ARHGAP27: variants seen among roughly 807,000 people sequenced by gnomAD.
ARHGAP27 encodes Rho GTPase activating protein 27.
Under a neutral mutation model 102.0 loss-of-function variants are expected in ARHGAP27, and 53 were observed. That is an observed-to-expected ratio of 0.52 (90% confidence interval 0.42 to 0.65). ARHGAP27 has a LOEUF of 0.65. Ranked by LOEUF, ARHGAP27 falls within the 30% of genes least tolerant of loss-of-function variation. The probability of loss-of-function intolerance (pLI) is 0.00; values close to 1 mark genes in which losing one functional copy is unlikely to be tolerated. For synonymous variants in ARHGAP27, 525 were observed against 542.8 expected, an observed-to-expected ratio of 0.97 and a Z score of 0.46; for missense variants, 1,117 against 1,256.2, an observed-to-expected ratio of 0.89 and a Z score of 1.68.
At chr17:45,410,570 G>A in intron 4 of ARHGAP27, 2 of 561,772 alleles carry the variant, frequency 3.6e-6, no homozygotes, top group Non-Finnish European at 5.5e-6. Context: ...CGCATCCGAG[G>A]CCCAGACATA....
At position 45,427,797 on chromosome 17, in the gene ARHGAP27, C is replaced by T. The variant is rs1458753377; in HGVS notation, c.657+1826G>A. Among the ~76,000 whole-genome samples the T allele has an allele frequency of 6.6e-6, 1 of 152,144 alleles. No individual in the cohort carries two copies. The highest frequency in any genetic ancestry group is 1.5e-5 in the Non-Finnish European group (1 of 68,008). On this transcript the variant is annotated intron_variant, in intron 4 of 19. Transcript: ENST00000685559. The surrounding 1 kb of genome is among the most constrained non-coding windows in gnomAD (Gnocchi z 4.5). The stretch of plus-strand genomic sequence containing the variant: ...TCCTAGATTCCCCCCCTGGGTAAGT[C>T]CCCTACCCCTATCATCGGTGCCCCT...
At chr17:45,413,564 C>T (rs991876291) in intron 4 of ARHGAP27, among the ~76,000 whole-genome samples, 2 of 152,198 alleles carry the variant, frequency 1.3e-5, no homozygotes, top group East Asian at 3.9e-4. Context: ...TGGGTTCCCA[C>T]ACCCATGGGG....
In ARHGAP27 at chr17:45,405,976, G is replaced by A. The variant is rs761112083; in HGVS notation, c.765C>T (p.His255=). ...APLPSPVWET[H]TDAGTGRPYY... ...AGGGGCGCCCGGTGCCCGCGTCCGT[G>A]TGCGTCTCCCACACCGGGCTGGGAA... Residue 255 remains histidine, a synonymous_variant, in exon 5 of 20, where the codon CAC becomes CAT. Coordinates refer to ENST00000685559, the MANE Select transcript of ARHGAP27 (RefSeq NM_001282290.2). 20 of 1,535,776 alleles carry A rather than the reference G, an allele frequency of 1.3e-5. No individual in the cohort carries two copies. In the South Asian group the frequency reaches 2.3e-4, roughly 17 times the overall value.
chr17:45,396,469 C>T lies in ARHGAP27; in HGVS notation c.2173+18G>A. The T allele has an allele frequency of 5.3e-6, 8 of 1,517,894 alleles. No individual in the cohort carries two copies. The highest frequency in any genetic ancestry group is 7.0e-6 in the Non-Finnish European group (8 of 1,137,402). The allele number at this position is 1,517,894 out of a possible 1,614,324, so 94.0% of individuals were successfully genotyped here. Reference sequence around the variant, plus strand: ...GGCACCCCAATGCCTGCCGCCCTCACCCCCGCAGCGCACGTACCGCGGGCC... The same window carrying T: ...GGCACCCCAATGCCTGCCGCCCTCATCCCCGCAGCGCACGTACCGCGGGCC... On this transcript the variant is annotated intron_variant, in intron 16 of 19. Coordinates refer to ENST00000685559, the MANE Select transcript of ARHGAP27 (RefSeq NM_001282290.2).
Position 45,395,311 on chromosome 17 carries a change from TCAGAACCGAGGGTG to T in ARHGAP27, c.*131_*144del. ...CTGCCCACTAGGGGTCACCGTACCC[TCAGAACCGAGGGTG>T]CAGAAGTCACACCGGCCTGCGGCTA... is the stretch of plus-strand genomic sequence containing the variant. On this transcript the variant is annotated 3_prime_UTR_variant, in exon 20 of 20. Transcript: ENST00000685559. 1 of 1,086,950 alleles carries T rather than the reference TCAGAACCGAGGGTG, an allele frequency of 9.2e-7. No individual in the cohort carries two copies. Among genetic ancestry groups the T allele is most frequent in the East Asian group, 2.6e-5 (1 of 38,106 alleles). The allele number at this position is 1,086,950 out of a possible 1,614,324, so 67.3% of individuals were successfully genotyped here. A position where few individuals can be genotyped will look rare whatever the true frequency, so the allele number is the denominator to read the frequency against.
chr17:45,397,588 TA>T, intron 13 of ARHGAP27: 3 of 249,442 alleles, frequency 1.2e-5, no homozygotes, highest in East Asian at 7.6e-5. Flanking sequence ...TTTTCAGCCT[TA>T]AAAAAATGGT....
Position 45,430,199 on chromosome 17 carries a change from C to A in ARHGAP27, c.81G>T (p.Val27=). 2 of 1,552,170 alleles carry A rather than the reference C, an allele frequency of 1.3e-6. No homozygotes were observed. Among genetic ancestry groups the A allele is most frequent in the African/African-American group, 1.4e-5 (1 of 73,764 alleles). Residue 27 remains valine, a synonymous_variant, in exon 4 of 20, where the codon GTG becomes GTT. Coordinates refer to ENST00000685559, the MANE Select transcript of ARHGAP27 (RefSeq NM_001282290.2). The surrounding 1 kb of genome is among the most constrained non-coding windows in gnomAD (Gnocchi z 4.4). ...FEYTGKDGRR[V]AIRPNERYRL... is the part of the protein sequence containing the mutation. The stretch of plus-strand genomic sequence containing the variant: ...GGTAGCGCTCATTCGGCCGGATGGC[C>A]ACGCGGCGCCCGTCCTTGCCGGTGT...
rs1042253777 is a variant in ARHGAP27 at position 45,396,631 on chromosome 17, C to CG, written c.2074+36dup. 3.7e-6 allele frequency: 6 copies of CG among 1,612,052 alleles called. No individual in the cohort carries two copies. The African/African-American group carries it at 8.0e-5, about 22-fold the overall frequency. On this transcript the variant is annotated intron_variant, in intron 15 of 19. Transcript: ENST00000685559. ...CTCCTGCCCAGCCTGCGCCCCGTCC[C>CG]GGTCCCGGGTCCCCGCCCCCCGCAG...
At chr17:45,402,525 C>G (rs2046563103) in intron 12 of ARHGAP27, among the ~76,000 whole-genome samples, 189 bp downstream of exon 12, 1 of 152,198 alleles carries the variant, frequency 6.6e-6, no homozygotes, top group Non-Finnish European at 1.5e-5. Flanking sequence ...CTGCCAACAA[C>G]TGCACCAATA....
At chr17:45,404,808 G>T in intron 6 of ARHGAP27, 116 bp downstream of exon 6, 1 of 1,526,844 alleles carries the variant, frequency 6.5e-7, no homozygotes, top group Non-Finnish European at 9.0e-7. Context: ...ACTGTGTTTG[G>T]CTGGTTTAGG....
chr17:45,430,364 G>C lies in ARHGAP27; in HGVS notation c.-18-67C>G, dbSNP rs2049970020. 6.7e-7 allele frequency: 1 copy of C among 1,487,324 alleles called. No homozygotes were observed. Among genetic ancestry groups the C allele is most frequent in the African/African-American group, 1.4e-5 (1 of 69,378 alleles). The allele number at this position is 1,487,324 out of a possible 1,614,324, so 92.1% of individuals were successfully genotyped here. A position where few individuals can be genotyped will look rare whatever the true frequency, so the allele number is the denominator to read the frequency against. On this transcript the variant is annotated intron_variant, in intron 3 of 19. Transcript: ENST00000685559. This position sits in a 1 kb window ranked among gnomAD's most constrained non-coding sequence, Gnocchi z 4.4. ...CGAGCCTGGAATAGCCCCGCACTCG[G>C]GGACAGACTTGGGTTCGAGTCCCGA... is the stretch of plus-strand genomic sequence containing the variant.
intron 4 of ARHGAP27, among the ~76,000 whole-genome samples, chr17:45,417,906 T>C (rs1036084064): frequency 6.6e-6 from 1 of 151,572 alleles, no homozygotes; most frequent in Middle Eastern, 3.2e-3. Flanking sequence ...ATAAAAAAAT[T>C]AGCCGGGCAC....
Position 45,404,606 on chromosome 17 carries a change from G to A in ARHGAP27, c.1324C>T (p.Pro442Ser), listed in dbSNP as rs755484118. 6.2e-7 allele frequency: 1 copy of A among 1,614,032 alleles called. No individual in the cohort carries two copies. The highest frequency in any genetic ancestry group is 8.5e-7 in the Non-Finnish European group (1 of 1,179,948). The part of the protein sequence containing the change: ...PEDSSVRWEL[P>S]QVPVPAPRSI... ...CCCTTTCCCCAGGTTGTTACCTGGG[G>A]CAGCTCCCATCGAACAGAGGAGTCC... is the stretch of plus-strand genomic sequence containing the variant. The change falls in exon 7 of 20, where the codon CCC (proline) becomes TCC (serine). Residue 442 changes from proline to serine, a missense_variant. Physicochemically the swap from Pro to Ser is moderately conservative, Grantham distance 74. Transcript: ENST00000685559.
rs372864414 is a variant in ARHGAP27 at position 45,404,204 on chromosome 17, C to T, written c.1479+65G>A. Reference sequence around the variant, plus strand: ...GCTGCCACTCTCTATGGTCTGGGCCCGTGTCTCCACTGAACCCTCCTCGCC... The same window carrying T: ...GCTGCCACTCTCTATGGTCTGGGCCTGTGTCTCCACTGAACCCTCCTCGCC... On this transcript the variant is annotated intron_variant, in intron 9 of 19. Coordinates refer to ENST00000685559, the MANE Select transcript of ARHGAP27 (RefSeq NM_001282290.2). 67 of 1,610,350 alleles carry T rather than the reference C, an allele frequency of 4.2e-5. No homozygotes were observed. In the Middle Eastern group the frequency reaches 8.3e-4, roughly 20 times the overall value.
At chr17:45,420,423 A>G (rs1426540848) in intron 4 of ARHGAP27, among the ~76,000 whole-genome samples, 1 of 152,250 alleles carries the variant, frequency 6.6e-6, no homozygotes, top group Non-Finnish European at 1.5e-5. Flanking sequence ...AAGAATGAAG[A>G]AAGAATGAAT....
At chr17:45,396,443 G>A (rs868490141) in intron 16 of ARHGAP27, 44 bp downstream of exon 16, 3 of 1,486,334 alleles carry the variant, frequency 2.0e-6, no homozygotes, top group Middle Eastern at 2.3e-4. Context: ...GGAGGCCTGC[G>A]GGCACCCCAA....
rs944228588 is a variant in ARHGAP27 at position 45,406,005 on chromosome 17, G to C, written c.736C>G (p.Pro246Ala). 52 of 1,534,904 alleles carry C rather than the reference G, an allele frequency of 3.4e-5. No homozygotes were observed. Among genetic ancestry groups the C allele is most frequent in the African/African-American group, 5.5e-5 (4 of 72,932 alleles). Residue 246 changes from proline (P) to alanine (A), a missense_variant, in exon 5 of 20, where the codon CCC becomes GCC. Pro to Ala is a conservative substitution (Grantham distance 27, BLOSUM62 -1). Transcript: ENST00000685559. Reference sequence around the variant, plus strand: ...GTCTCCCACACCGGGCTGGGAAGGGGGGCTGCAGCGGCGCCCGGTGAAGTG... The same window carrying C: ...GTCTCCCACACCGGGCTGGGAAGGGCGGCTGCAGCGGCGCCCGGTGAAGTG... The part of the protein sequence containing the change: ...RATSPGAAAA[P>A]LPSPVWETHT...
At chr17:45,399,591 C>CAAAGAAAAGAAAAGAAAAGA (rs60195760) in intron 12 of ARHGAP27, among the ~76,000 whole-genome samples, 4,281 of 141,182 alleles carry the variant, frequency 0.03, 197 homozygotes, top group African/African-American at 0.07. Context: ...CACTCTGTCT[C>CAAAGAAAAGAAAAGAAAAGA]AAAGAAAAGA....
In ARHGAP27 at chr17:45,430,860, C is replaced by G. The variant is rs1481076552; in HGVS notation, c.-18-563G>C. 6.6e-6 allele frequency among the ~76,000 whole-genome samples: 1 copy of G among 152,140 alleles called. No homozygotes were observed. Among genetic ancestry groups the G allele is most frequent in the Non-Finnish European group, 1.5e-5 (1 of 68,008 alleles). On this transcript the variant is annotated intron_variant, in intron 3 of 19. Transcript: ENST00000685559. The surrounding 1 kb of genome is among the most constrained non-coding windows in gnomAD (Gnocchi z 4.4). ...AATGTGGGCTCTGTAGGGGGCCGAG[C>G]GAACAGCTCTACCTGGGGGCTGTCG...
Sources: allele counts gnomAD v4.1 joint callset (sites outside exome capture counted in the v4.1 genomes callset), GRCh38; gene constraint gnomAD v4.1.1; non-coding constraint Gnocchi (gnomAD v3.1); transcripts MANE v1.5; gene names NCBI Gene and HGNC (gene_info 2026-07-23, HGNC 2026-07-21).